Variants in RABGAP1 observed in about 807,000 individuals in gnomAD.
RABGAP1 encodes rab GTPase-activating protein 1.
RABGAP1 carries 23 observed loss-of-function variants against 137.6 expected under a neutral mutation model. The observed-to-expected ratio is 0.17, with a 90% confidence interval of 0.12 to 0.24. The LOEUF (loss-of-function observed/expected upper bound fraction) is 0.24. Among genes scored for constraint, RABGAP1 ranks in the 10% least tolerant of loss-of-function variants. The probability of loss-of-function intolerance (pLI) is 1.00; values close to 1 mark genes in which losing one functional copy is unlikely to be tolerated. For synonymous variants in RABGAP1, 451 were observed against 450.7 expected (o/e 1.00, Z -0.01); for missense variants, 906 against 1,275.8 (o/e 0.71, Z 4.42).
rs566243697 is a variant in RABGAP1 at position 123,026,830 on chromosome 9, G to A, written c.1794+6371G>A. On this transcript the variant is annotated intron_variant, in intron 13 of 25. Transcript: ENST00000373647. ...GTTATTTTTTACCTTTTGTGTTGGT[G>A]GCTTAGCTTCTTATAATTCAGTGCT... Among the ~76,000 whole-genome samples, 6 of 152,250 alleles carry A rather than the reference G, an allele frequency of 3.9e-5. No individual in the cohort carries two copies. In the South Asian group the frequency reaches 1.2e-3, roughly 32 times the overall value.
rs758480691 is a variant in RABGAP1 at position 122,990,111 on chromosome 9, C to A, written c.821C>A (p.Thr274Asn). The A allele has an allele frequency of 3.7e-6, 6 of 1,610,990 alleles. No individual in the cohort carries two copies. Among genetic ancestry groups the A allele is most frequent in the Non-Finnish European group, 5.1e-6 (6 of 1,177,252 alleles). ...GCCTTCCGCCGTTCTGCCAAGCAGACCCCACTTTCAGCCACTGCTGCACCC... is the reference window on the plus strand; with the variant it reads ...GCCTTCCGCCGTTCTGCCAAGCAGAACCCACTTTCAGCCACTGCTGCACCC... ...ATAFRRSAKQ[T>N]PLSATAAPQT... The change falls in exon 6 of 26, where the codon ACC (threonine) becomes AAC (asparagine). Residue 274 changes from threonine to asparagine, a missense_variant. Physicochemically the swap from Thr to Asn is moderately conservative, Grantham distance 65. This residue lies in a region of RABGAP1 where 331 missense variants were observed against 358.3 expected (regional missense o/e 0.92). Coordinates refer to ENST00000373647, the MANE Select transcript of RABGAP1 (RefSeq NM_012197.4).
intron 12 of RABGAP1, among the ~76,000 whole-genome samples, chr9:123,018,622 C>A (rs371298663): frequency 6.6e-6 from 1 of 152,244 alleles, no homozygotes; most frequent in East Asian, 1.9e-4. Flanking sequence ...TATGTCTGTT[C>A]TTTCTGCTCA....
intron 13 of RABGAP1, among the ~76,000 whole-genome samples, chr9:123,040,580 G>T: frequency 6.6e-6 from 1 of 152,084 alleles, no homozygotes; most frequent in East Asian, 1.9e-4. Context: ...TTAGTAGTCT[G>T]CAAGCCTGCA....
intron 10 of RABGAP1, among the ~76,000 whole-genome samples, chr9:123,002,917 T>C (rs1837405917): frequency 6.6e-6 from 1 of 152,082 alleles, no homozygotes; most frequent in Non-Finnish European, 1.5e-5. Context: ...AGCAGAAGTG[T>C]GTATGTGGAA....
At chr9:123,069,712 T>A (rs969272505) in intron 14 of RABGAP1, among the ~76,000 whole-genome samples, 13 of 151,934 alleles carry the variant, frequency 8.6e-5, no homozygotes, top group Non-Finnish European at 1.3e-4. Flanking sequence ...TGAGATCCCA[T>A]CTCTATAAAA....
chr9:122,980,844 T>G (rs1249908669), intron 2 of RABGAP1, among the ~76,000 whole-genome samples: 1 of 152,212 alleles, frequency 6.6e-6, no homozygotes, highest in Non-Finnish European at 1.5e-5. Context: ...TTGGGGCCCA[T>G]GTACAGAGGT....
At chr9:122,979,393 T>C (rs764203246) in intron 2 of RABGAP1, among the ~76,000 whole-genome samples, 37 of 152,326 alleles carry the variant, frequency 2.4e-4, no homozygotes, top group Middle Eastern at 3.4e-3. Context: ...TCATCAGATA[T>C]ATGACTTGCA....
chr9:123,035,014 A>T (rs757383873), intron 13 of RABGAP1: 1 of 1,613,694 alleles, frequency 6.2e-7, no homozygotes. Context: ...ACGCCTGTGT[A>T]TTTTCCTGAT....
chr9:122,986,141 A>AT, intron 3 of RABGAP1, 74 bp from the exon 4 acceptor site: 2 of 1,405,666 alleles, frequency 1.4e-6, no homozygotes, highest in Non-Finnish European at 2.0e-6. Context: ...TTACTTGCAG[A>AT]TTTTTACTTG....
At chr9:122,961,676 T>C (rs1026917242) in intron 2 of RABGAP1, among the ~76,000 whole-genome samples, 6 of 152,222 alleles carry the variant, frequency 3.9e-5, no homozygotes, top group African/African-American at 9.6e-5. Context: ...GTATATATCA[T>C]GTGTATCTAT....
chr9:123,086,267 G>A (rs746641731), intron 19 of RABGAP1, among the ~76,000 whole-genome samples: 2 of 152,210 alleles, frequency 1.3e-5, no homozygotes, highest in East Asian at 1.9e-4. Context: ...TGCATTGCAT[G>A]TCCACTTTGG....
At chr9:123,090,150 A>C in intron 20 of RABGAP1, 125 bp from the exon 21 acceptor site, 2 of 704,328 alleles carry the variant, frequency 2.8e-6, no homozygotes, top group East Asian at 2.7e-5. Context: ...GAAACACATC[A>C]GGTCCAGCCA....
intron 19 of RABGAP1, among the ~76,000 whole-genome samples, chr9:123,078,984 G>A (rs2034611217): frequency 6.6e-6 from 1 of 151,994 alleles, no homozygotes; most frequent in African/African-American, 2.4e-5. Context: ...CTTTCCAAAT[G>A]TTTTTTATGC....
intron 2 of RABGAP1, among the ~76,000 whole-genome samples, chr9:122,983,177 AAAAC>A (rs1836177073): frequency 6.6e-6 from 1 of 152,034 alleles, no homozygotes; most frequent in African/African-American, 2.4e-5. Context: ...AAAAAAAAAA[AAAAC>A]AAAAACTTTT....
chr9:123,045,506 G>T (rs774498288), intron 13 of RABGAP1, among the ~76,000 whole-genome samples: 75 of 152,142 alleles, frequency 4.9e-4, no homozygotes, highest in Non-Finnish European at 8.2e-4. Context: ...TACTGAGGAT[G>T]TGTATTGTAG....
At chr9:123,066,248 T>C (rs2034167751) in intron 14 of RABGAP1, among the ~76,000 whole-genome samples, 1 of 152,222 alleles carries the variant, frequency 6.6e-6, no homozygotes, top group Non-Finnish European at 1.5e-5. Flanking sequence ...CAGTTGAGTT[T>C]AGAGAAATAT....
chr9:123,051,978 T>G (rs1657579638), intron 13 of RABGAP1, among the ~76,000 whole-genome samples: 1 of 142,924 alleles, frequency 7.0e-6, no homozygotes, highest in Admixed American at 6.9e-5. Context: ...TTTTTTTTTT[T>G]GTATTATTCG....
intron 24 of RABGAP1, among the ~76,000 whole-genome samples, chr9:123,100,566 C>G (rs2035315369): frequency 6.6e-6 from 1 of 152,070 alleles, no homozygotes; most frequent in African/African-American, 2.4e-5. Flanking sequence ...GGATTACAGG[C>G]TTGTGCCACC....
At chr9:123,079,393 A>G (rs2034636813) in intron 19 of RABGAP1, among the ~76,000 whole-genome samples, 1 of 151,722 alleles carries the variant, frequency 6.6e-6, no homozygotes, top group South Asian at 2.1e-4. Context: ...GTGCACCACC[A>G]TGCCCAGCCA....
Sources: allele counts gnomAD v4.1 joint callset (sites outside exome capture counted in the v4.1 genomes callset), GRCh38; gene constraint gnomAD v4.1.1; regional missense constraint gnomAD v4.1.1; transcripts MANE v1.5; gene names NCBI Gene and HGNC (gene_info 2026-07-23, HGNC 2026-07-21).